Variants in EPHA3 observed in about 807,000 individuals in gnomAD.
EPHA3 encodes the protein EPH receptor A3, also known as ephrin type-A receptor 3.
EPHA3 carries 42 observed loss-of-function variants against 107.1 expected under a neutral mutation model. The ratio of observed to expected loss-of-function variants is 0.39; its 90% CI spans 0.31 to 0.51. The LOEUF is 0.51. Among genes scored for constraint, EPHA3 ranks in the 20% least tolerant of loss-of-function variants. The pLI, the probability that EPHA3 is intolerant of heterozygous loss-of-function variation, is 0.78. For synonymous variants in EPHA3, 461 were observed against 424.8 expected (o/e 1.09, Z -1.05); for missense variants, 1,183 against 1,211.2 (o/e 0.98, Z 0.35).
At chr3:89,225,995 T>C (rs1359300514) in intron 3 of EPHA3, among the ~76,000 whole-genome samples, 2 of 152,178 alleles carry the variant, frequency 1.3e-5, no homozygotes, top group Non-Finnish European at 2.9e-5. Flanking sequence ...ATATTCGTAG[T>C]TGTGGCCTTG....
chr3:89,238,443 T>C (rs1161585195), intron 3 of EPHA3, among the ~76,000 whole-genome samples: 1 of 152,230 alleles, frequency 6.6e-6, no homozygotes, highest in Admixed American at 6.5e-5. Flanking sequence ...ATTGAATTTT[T>C]TTCTAAAGAT....
chr3:89,107,872 C>G (rs758200579), intron 1 of EPHA3, 36 bp downstream of exon 1: 1 of 1,592,822 alleles, frequency 6.3e-7, no homozygotes, highest in Non-Finnish European at 8.6e-7. Flanking sequence ...AGCTCTGCCC[C>G]GCGGGGCTCA....
At chr3:89,144,997 A>G (rs1704506016) in intron 2 of EPHA3, among the ~76,000 whole-genome samples, 1 of 151,738 alleles carries the variant, frequency 6.6e-6, no homozygotes, top group East Asian at 1.9e-4. Context: ...ACTGGATTTG[A>G]TCGATGATTT....
chr3:89,308,535 T>C (rs1706682764), intron 3 of EPHA3, among the ~76,000 whole-genome samples: 1 of 151,952 alleles, frequency 6.6e-6, no homozygotes, highest in African/African-American at 2.4e-5. Flanking sequence ...CTAAGAATTC[T>C]GCTTGCACAA....
Position 89,358,042 on chromosome 3 carries a change from G to A in EPHA3, c.1306+15952G>A, listed in dbSNP as rs143758745. ...TGTTTATATTTGTATATTCATGTGC[G>A]TGTGTATATATGTACATGTATAAAT... is the stretch of plus-strand genomic sequence containing the variant. On this transcript the variant is annotated intron_variant, in intron 5 of 16. Transcript: ENST00000336596. Among the ~76,000 whole-genome samples the A allele has an allele frequency of 7.4e-3, 1,114 of 151,218 alleles. 23 individuals are homozygous for A. Among genetic ancestry groups the A allele is most frequent in the African/African-American group, 0.025 (1,055 of 41,458 alleles).
chr3:89,404,996 G>T (rs1181971521), intron 7 of EPHA3, among the ~76,000 whole-genome samples: 1 of 152,162 alleles, frequency 6.6e-6, no homozygotes, highest in African/African-American at 2.4e-5. Flanking sequence ...GTAGCCAATG[G>T]ATAGGGATGT....
intron 3 of EPHA3, among the ~76,000 whole-genome samples, chr3:89,285,537 C>A (rs1706061934): frequency 6.6e-6 from 1 of 151,956 alleles, no homozygotes. Flanking sequence ...TAAAGAGGAC[C>A]CTACTAAAAA....
At chr3:89,109,451 AC>A (rs1435057258) in intron 1 of EPHA3, among the ~76,000 whole-genome samples, 1 of 152,010 alleles carries the variant, frequency 6.6e-6, no homozygotes, top group East Asian at 1.9e-4. Context: ...TAAAATTCCC[AC>A]ATTGTCATGA....
intron 3 of EPHA3, among the ~76,000 whole-genome samples, chr3:89,261,842 C>G (rs977562611): frequency 1.3e-5 from 2 of 150,444 alleles, no homozygotes; most frequent in African/African-American, 4.9e-5. Flanking sequence ...AAAGTCATTG[C>G]GGTTTTTGCC....
At chr3:89,315,685 T>C (rs985963538) in intron 3 of EPHA3, among the ~76,000 whole-genome samples, 4 of 151,868 alleles carry the variant, frequency 2.6e-5, no homozygotes, top group African/African-American at 9.7e-5. Flanking sequence ...AGGGTTCTTT[T>C]TCTTCAGGCC....
intron 11 of EPHA3, among the ~76,000 whole-genome samples, chr3:89,427,194 A>C (rs748019880): frequency 6.6e-5 from 10 of 151,892 alleles, no homozygotes; most frequent in Non-Finnish European, 1.5e-4. Context: ...AACATGTATA[A>C]AAGTTATCTC....
intron 5 of EPHA3, among the ~76,000 whole-genome samples, chr3:89,356,286 A>G (rs1279220373): frequency 3.3e-5 from 5 of 150,920 alleles, no homozygotes; most frequent in Non-Finnish European, 5.9e-5. Flanking sequence ...TAGTGCTGCA[A>G]TAAACATAGG....
At chr3:89,154,979 A>G (rs1016968347) in intron 2 of EPHA3, among the ~76,000 whole-genome samples, 4 of 150,554 alleles carry the variant, frequency 2.7e-5, no homozygotes, top group Non-Finnish European at 4.4e-5. Flanking sequence ...AAAAGTTTCA[A>G]ACTTTTTAAA....
At chr3:89,396,109 G>A (rs1320012281) in intron 6 of EPHA3, 148 bp downstream of exon 6, 4 of 1,091,026 alleles carry the variant, frequency 3.7e-6, no homozygotes, top group Admixed American at 2.7e-5. Flanking sequence ...TGATTTATTG[G>A]TAGAGGAAGG....
chr3:89,328,144 G>A (rs1165352343), intron 3 of EPHA3, among the ~76,000 whole-genome samples: 3 of 151,846 alleles, frequency 2.0e-5, no homozygotes, highest in Non-Finnish European at 4.4e-5. Flanking sequence ...AATAATTTAT[G>A]CAATCTCACT....
chr3:89,203,218 T>G (rs1485291758), intron 2 of EPHA3, among the ~76,000 whole-genome samples: 1 of 151,630 alleles, frequency 6.6e-6, no homozygotes, highest in Non-Finnish European at 1.5e-5. Flanking sequence ...GTTAGAATGT[T>G]AGAATCACCT....
At chr3:89,164,244 C>A (rs1319621396) in intron 2 of EPHA3, among the ~76,000 whole-genome samples, 1 of 152,162 alleles carries the variant, frequency 6.6e-6, no homozygotes, top group Non-Finnish European at 1.5e-5. Flanking sequence ...AATACACTGA[C>A]ACTAACAATA....
At chr3:89,137,988 T>C (rs1195740899) in intron 2 of EPHA3, among the ~76,000 whole-genome samples, 1 of 151,874 alleles carries the variant, frequency 6.6e-6, no homozygotes, top group African/African-American at 2.4e-5. Context: ...TTTAATAGGC[T>C]GTCCATGGGA....
intron 15 of EPHA3, among the ~76,000 whole-genome samples, chr3:89,467,687 A>G (rs1414050386): frequency 6.6e-6 from 1 of 152,150 alleles, no homozygotes; most frequent in Non-Finnish European, 1.5e-5. Context: ...ATATATATGT[A>G]CCTCTCTAAT....
Sources: allele counts gnomAD v4.1 joint callset (sites outside exome capture counted in the v4.1 genomes callset), GRCh38; gene constraint gnomAD v4.1.1; transcripts MANE v1.5; gene names NCBI Gene and HGNC (gene_info 2026-07-23, HGNC 2026-07-21).